The following EPB41L3 variants were observed in gnomAD, a reference collection of about 807,000 sequenced individuals.
EPB41L3 encodes the protein erythrocyte membrane protein band 4.1 like 3.
A neutral mutation model predicts 127.1 loss-of-function variants in EPB41L3; 57 were observed. The ratio of observed to expected loss-of-function variants is 0.45; its 90% CI spans 0.36 to 0.56. The LOEUF (loss-of-function observed/expected upper bound fraction) is 0.56, where lower values mean the gene tolerates loss of function less well. Among genes scored for constraint, EPB41L3 ranks in the 20% least tolerant of loss-of-function variants. EPB41L3 has a pLI of 0.00. For synonymous variants in EPB41L3, 572 were observed against 549.5 expected (o/e 1.04, Z -0.57); for missense variants, 1,273 against 1,372.2 (o/e 0.93, Z 1.14).
intron 3 of EPB41L3, among the ~76,000 whole-genome samples, chr18:5,455,869 A>G (rs1440000393): frequency 3.3e-5 from 5 of 151,622 alleles, no homozygotes; most frequent in Non-Finnish European, 7.4e-5. Context: ...AAGCCAACGC[A>G]TGCAAAATGA....
At chr18:5,592,970 C>T (rs905439322) in intron 3 of EPB41L3, among the ~76,000 whole-genome samples, 21 of 152,130 alleles carry the variant, frequency 1.4e-4, no homozygotes, top group Non-Finnish European at 2.8e-4. Context: ...CATCACTGCC[C>T]GAACATGACA....
At chr18:5,510,377 G>C (rs190771386) in intron 1 of EPB41L3, among the ~76,000 whole-genome samples, 5 of 152,300 alleles carry the variant, frequency 3.3e-5, no homozygotes, top group South Asian at 2.1e-4. Flanking sequence ...ATCTGGGCTG[G>C]AGTATGGTAG....
At chr18:5,439,084 T>C (rs1050549924) in intron 5 of EPB41L3, among the ~76,000 whole-genome samples, 2 of 152,192 alleles carry the variant, frequency 1.3e-5, no homozygotes, top group Non-Finnish European at 2.9e-5. Context: ...ATCTCTTCTC[T>C]GTGGTGCTGT....
At chr18:5,529,827 T>A (rs1169009217) in intron 1 of EPB41L3, among the ~76,000 whole-genome samples, 1 of 152,080 alleles carries the variant, frequency 6.6e-6, no homozygotes, top group Non-Finnish European at 1.5e-5. Context: ...GCTTGCTGGC[T>A]GATACATGAA....
At chr18:5,568,760 C>T (rs573937811) in intron 3 of EPB41L3, among the ~76,000 whole-genome samples, 2 of 152,284 alleles carry the variant, frequency 1.3e-5, no homozygotes, top group African/African-American at 4.8e-5. Flanking sequence ...TAGTTTCAGA[C>T]CCCTAACTTT....
intron 1 of EPB41L3, among the ~76,000 whole-genome samples, chr18:5,491,958 C>G (rs1055518083): frequency 6.6e-6 from 1 of 152,122 alleles, no homozygotes; most frequent in Non-Finnish European, 1.5e-5. Flanking sequence ...TTCCTCTTCC[C>G]CACCCATATA....
intron 2 of EPB41L3, among the ~76,000 whole-genome samples, chr18:5,482,549 A>T (rs1025314254): frequency 6.6e-6 from 1 of 152,222 alleles, no homozygotes; most frequent in African/African-American, 2.4e-5. Context: ...TAAGAATACC[A>T]CAAAGCAATA....
chr18:5,605,224 C>T (rs1284571359), intron 3 of EPB41L3, among the ~76,000 whole-genome samples: 2 of 152,164 alleles, frequency 1.3e-5, no homozygotes, highest in Non-Finnish European at 2.9e-5. Flanking sequence ...CTGCCCAGCC[C>T]TGCTTTCTTC....
At chr18:5,586,872 A>G (rs1198563796) in intron 3 of EPB41L3, among the ~76,000 whole-genome samples, 1 of 152,182 alleles carries the variant, frequency 6.6e-6, no homozygotes, top group Non-Finnish European at 1.5e-5. Context: ...CAGACTCAGT[A>G]TTTGAGCCCT....
At chr18:5,616,282 C>T (rs1264755446) in intron 1 of EPB41L3, among the ~76,000 whole-genome samples, 2 of 152,148 alleles carry the variant, frequency 1.3e-5, no homozygotes. Flanking sequence ...GCCTGACCCC[C>T]ACAACCCTAC....
intron 1 of EPB41L3, among the ~76,000 whole-genome samples, chr18:5,514,879 T>C (rs995622877): frequency 2.0e-5 from 3 of 152,218 alleles, no homozygotes; most frequent in African/African-American, 7.2e-5. Flanking sequence ...TACAGGTATA[T>C]AATGTTTATT....
At chr18:5,574,632 T>A (rs373200245) in intron 3 of EPB41L3, among the ~76,000 whole-genome samples, 1 of 152,278 alleles carries the variant, frequency 6.6e-6, no homozygotes, top group East Asian at 1.9e-4. Flanking sequence ...TTTTGATACA[T>A]ACCAGGCAGA....
At chr18:5,583,148 T>C (rs2094410416) in intron 3 of EPB41L3, among the ~76,000 whole-genome samples, 1 of 152,162 alleles carries the variant, frequency 6.6e-6, no homozygotes, top group Admixed American at 6.5e-5. Flanking sequence ...AACTGTCAGG[T>C]AGGGTGGCTG....
At chr18:5,485,617 G>C (rs2089612582) in intron 2 of EPB41L3, among the ~76,000 whole-genome samples, 2 of 151,926 alleles carry the variant, frequency 1.3e-5, no homozygotes, top group Admixed American at 1.3e-4. Context: ...CCAAAAAACT[G>C]TGAGAACTGA....
chr18:5,561,205 C>G (rs1213144847), intron 3 of EPB41L3, among the ~76,000 whole-genome samples: 1 of 151,954 alleles, frequency 6.6e-6, no homozygotes, highest in Non-Finnish European at 1.5e-5. Context: ...TCAAGATCTC[C>G]TGACCTCGTG....
At chr18:5,469,155 C>T (rs1236643882) in intron 3 of EPB41L3, among the ~76,000 whole-genome samples, 1 of 152,132 alleles carries the variant, frequency 6.6e-6, no homozygotes. Context: ...AGGGCTGAAA[C>T]ACCCCATCCC....
intron 3 of EPB41L3, among the ~76,000 whole-genome samples, chr18:5,586,227 C>T (rs1383958784): frequency 6.6e-6 from 1 of 152,046 alleles, no homozygotes; most frequent in South Asian, 2.1e-4. Flanking sequence ...TCAGTTACAG[C>T]AAAATTCTAT....
chr18:5,484,608 A>G (rs890437087), intron 2 of EPB41L3, among the ~76,000 whole-genome samples: 5 of 151,980 alleles, frequency 3.3e-5, no homozygotes, highest in African/African-American at 1.2e-4. Flanking sequence ...AGACTAAGAA[A>G]AAGAGAGAAA....
rs1177015707 is a variant in EPB41L3 at position 5,561,020 on chromosome 18, C to T, written c.-306+51320G>A. Among the ~76,000 whole-genome samples the T allele has an allele frequency of 3.0e-5, 4 of 131,714 alleles. 1 individual carries two copies. The highest frequency in any genetic ancestry group is 1.5e-4 in the Admixed American group (2 of 13,338). The allele number at this position is 131,714 out of a possible 152,430, so 86.4% of individuals were successfully genotyped here. A position where few individuals can be genotyped will look rare whatever the true frequency, so the allele number is the denominator to read the frequency against. On this transcript the variant is annotated intron_variant, in intron 3 of 21. Coordinates refer to the EPB41L3 transcript ENST00000545076. Reference sequence around the variant, plus strand: ...TGAGATGGAGTCTCGCTCTGTCGCCCAGGCTGGAGTGCAGTGGCGCGATCG... The same window carrying T: ...TGAGATGGAGTCTCGCTCTGTCGCCTAGGCTGGAGTGCAGTGGCGCGATCG...
Sources: gnomAD v4.1 joint callset for allele counts (sites outside exome capture counted in the v4.1 genomes callset) on GRCh38, gnomAD v4.1.1 for gene constraint, MANE v1.5 for transcripts, NCBI Gene and HGNC (gene_info 2026-07-23, HGNC 2026-07-21) for gene names.